Variants in HDGFL3 observed in about 807,000 individuals in gnomAD.
The protein encoded by HDGFL3 is HDGF like 3.
HDGFL3 carries 6 observed loss-of-function variants against 27.6 expected under a neutral mutation model. The ratio of observed to expected loss-of-function variants is 0.22; its 90% CI spans 0.12 to 0.43. The LOEUF (loss-of-function observed/expected upper bound fraction) is 0.43, where lower values mean the gene tolerates loss of function less well. HDGFL3 is among the 20% of genes least tolerant of loss of function. The pLI is 1.00. For missense variants in HDGFL3, 207 were observed against 250.1 expected, an observed-to-expected ratio of 0.83 and a Z score of 1.16; for synonymous variants, 88 against 88.9, an observed-to-expected ratio of 0.99 and a Z score of 0.05.
intron 5 of HDGFL3, chr15:83,144,892 G>A: frequency 3.6e-6 from 1 of 275,044 alleles, no homozygotes; most frequent in South Asian, 3.9e-5. Flanking sequence ...AACTAATACA[G>A]TAGGTGTAAG....
At chr15:83,126,682 C>T (rs2035776522), downstream of HDGFL3, 4 of 1,235,428 alleles carry the variant, frequency 3.2e-6, no homozygotes, top group Admixed American at 5.7e-5. Flanking sequence ...AAACCTGGCA[C>T]ATTTAGCCTT....
chr15:83,185,291 G>A (rs2037428757), intron 1 of HDGFL3, among the ~76,000 whole-genome samples: 1 of 152,086 alleles, frequency 6.6e-6, no homozygotes, highest in Non-Finnish European at 1.5e-5. Flanking sequence ...CCCAAAGTGT[G>A]CCCGGCCTAG....
At chr15:83,178,669 GA>G (rs1259140557) in intron 1 of HDGFL3, among the ~76,000 whole-genome samples, 1 of 150,234 alleles carries the variant, frequency 6.7e-6, no homozygotes, top group Non-Finnish European at 1.5e-5. Flanking sequence ...AAATAAAGAA[GA>G]AAAAAAAAGT....
chr15:83,125,225 G>C (rs1396180018), downstream of HDGFL3, among the ~76,000 whole-genome samples: 2 of 152,214 alleles, frequency 1.3e-5, no homozygotes, highest in African/African-American at 4.8e-5. Flanking sequence ...AGGGTCATGG[G>C]AATGTCTCAC....
intron 4 of HDGFL3, among the ~76,000 whole-genome samples, chr15:83,154,155 AAAAAAAAAAAAAGC>A (rs1003456524): frequency 7.0e-6 from 1 of 141,950 alleles, no homozygotes; most frequent in South Asian, 2.2e-4. Context: ...TCTCTACTGG[AAAAAAAAAAAAAGC>A]AAAAATAAAA....
At chr15:83,193,660 C>A (rs2037538463) in intron 1 of HDGFL3, among the ~76,000 whole-genome samples, 1 of 152,216 alleles carries the variant, frequency 6.6e-6, no homozygotes, top group African/African-American at 2.4e-5. Flanking sequence ...AGTGCCATGT[C>A]AATTTACCGT....
intron 2 of HDGFL3, 46 bp from the exon 3 acceptor site, chr15:83,158,087 G>A: frequency 6.6e-7 from 1 of 1,512,986 alleles, no homozygotes; most frequent in Middle Eastern, 1.9e-4. Context: ...GACCTTCAAA[G>A]GTAAGATATT....
intron 1 of HDGFL3, among the ~76,000 whole-genome samples, chr15:83,199,333 G>A (rs1170899324): frequency 6.6e-6 from 1 of 152,136 alleles, no homozygotes; most frequent in Non-Finnish European, 1.5e-5. Context: ...CAGTGTCAAA[G>A]GAAAAGGAAA....
exon 4 of HDGFL3, chr15:83,113,793 G>A (rs1457017101): frequency 6.6e-6 from 1 of 152,342 alleles, no homozygotes; most frequent in Non-Finnish European, 1.5e-5. Context: ...AAGGAAGAAA[G>A]TGGTGGCTCT....
intron 1 of HDGFL3, among the ~76,000 whole-genome samples, chr15:83,186,572 C>T (rs966841941): frequency 1.3e-5 from 2 of 152,182 alleles, no homozygotes; most frequent in African/African-American, 4.8e-5. Context: ...GAAATAATAT[C>T]TTCTACAGCA....
chr15:83,190,684 G>A (rs2151419886), intron 1 of HDGFL3, among the ~76,000 whole-genome samples: 1 of 152,158 alleles, frequency 6.6e-6, no homozygotes, highest in East Asian at 1.9e-4. Context: ...TTGGTTCTAT[G>A]TATGGTAAGC....
At chr15:83,177,793 C>G (rs2037331836) in intron 1 of HDGFL3, among the ~76,000 whole-genome samples, 1 of 152,128 alleles carries the variant, frequency 6.6e-6, no homozygotes, top group African/African-American at 2.4e-5. Context: ...TATGCACGTT[C>G]ATGAACTTTA....
intron 1 of HDGFL3, among the ~76,000 whole-genome samples, chr15:83,164,640 T>C (rs775529611): frequency 5.9e-5 from 9 of 152,214 alleles, no homozygotes; most frequent in Non-Finnish European, 1.3e-4. Flanking sequence ...TAGCTTCTCA[T>C]TGCTTACAGC....
intron 1 of HDGFL3, chr15:83,181,091 T>C (rs1010605000): frequency 6.6e-6 from 1 of 152,202 alleles, no homozygotes; most frequent in Admixed American, 6.5e-5. Flanking sequence ...AGAACAATCT[T>C]ATAGCTACAG....
At chr15:83,119,220 C>T (rs2034990211) in intron 3 of HDGFL3, among the ~76,000 whole-genome samples, 1 of 152,240 alleles carries the variant, frequency 6.6e-6, no homozygotes, top group Non-Finnish European at 1.5e-5. Flanking sequence ...GGCCACCTCT[C>T]TGGTCACTGC....
intron 2 of HDGFL3, 130 bp downstream of exon 2, chr15:83,163,869 A>C: frequency 1.5e-6 from 1 of 646,904 alleles, no homozygotes; most frequent in Non-Finnish European, 2.7e-6. Flanking sequence ...AAAATACATT[A>C]TTAACTTTGG....
At chr15:83,182,408 T>TAAATCTGGAAATAGCCC (rs2037392342) in intron 1 of HDGFL3, among the ~76,000 whole-genome samples, 2 of 152,232 alleles carry the variant, frequency 1.3e-5, no homozygotes, top group Non-Finnish European at 2.9e-5. Context: ...CCTAATAGCC[T>TAAATCTGGAAATAGCCC]AAATCTGGAA....
intron 1 of HDGFL3, among the ~76,000 whole-genome samples, chr15:83,195,941 A>G (rs1450432038): frequency 3.3e-5 from 5 of 152,096 alleles, no homozygotes; most frequent in Non-Finnish European, 4.4e-5. Flanking sequence ...ACGAAGTACT[A>G]TAACTTATGT....
downstream of HDGFL3, chr15:83,124,657 C>G (rs755090219): frequency 1.2e-6 from 2 of 1,608,460 alleles, no homozygotes; most frequent in South Asian, 1.1e-5. Context: ...TCTTTAGGTA[C>G]AAACTCTATT....
Sources: allele counts gnomAD v4.1 joint callset (sites outside exome capture counted in the v4.1 genomes callset), GRCh38; gene constraint gnomAD v4.1.1; transcripts MANE v1.5; gene names NCBI Gene and HGNC (gene_info 2026-07-23, HGNC 2026-07-21).